MAGI2: variants seen among roughly 807,000 people sequenced by gnomAD.
MAGI2 encodes the protein membrane associated guanylate kinase, WW and PDZ domain containing 2, also known as membrane-associated guanylate kinase, WW and PDZ domain-containing protein 2.
A neutral mutation model predicts 133.3 loss-of-function variants in MAGI2; 35 were observed. The observed-to-expected ratio is 0.26, with a 90% CI of 0.20 to 0.35. The LOEUF (loss-of-function observed/expected upper bound fraction) is 0.35. MAGI2 is among the 10% of genes least tolerant of loss of function. The pLI is 1.00. For missense variants in MAGI2, 1,636 were observed against 1,863.4 expected, an observed-to-expected ratio of 0.88 and a Z score of 2.25; for synonymous variants, 729 against 710.6, an observed-to-expected ratio of 1.03 and a Z score of -0.41.
At chr7:78,283,233 T>A (rs1795808610) in intron 9 of MAGI2, among the ~76,000 whole-genome samples, 1 of 152,158 alleles carries the variant, frequency 6.6e-6, no homozygotes, top group African/African-American at 2.4e-5. Flanking sequence ...AAATTACGTA[T>A]CTCAAGAGTC....
At chr7:78,613,017 G>A (rs184627528) in intron 3 of MAGI2, among the ~76,000 whole-genome samples, 15 of 152,216 alleles carry the variant, frequency 9.9e-5, no homozygotes, top group African/African-American at 3.1e-4. Flanking sequence ...ATTAAATGAT[G>A]AAGAGAAATG....
At chr7:79,004,524 C>T (rs533595058) in intron 2 of MAGI2, among the ~76,000 whole-genome samples, 3 of 152,026 alleles carry the variant, frequency 2.0e-5, no homozygotes, top group Non-Finnish European at 4.4e-5. Flanking sequence ...GATAGAAGTT[C>T]TATTATTTGG....
intron 2 of MAGI2, among the ~76,000 whole-genome samples, chr7:78,742,323 T>C (rs1822515115): frequency 6.6e-6 from 1 of 152,110 alleles, no homozygotes; most frequent in Non-Finnish European, 1.5e-5. Context: ...AGAATTCCTC[T>C]ACCATCAGTT....
At chr7:79,429,062 T>A (rs1357415991) in intron 1 of MAGI2, among the ~76,000 whole-genome samples, 1 of 152,238 alleles carries the variant, frequency 6.6e-6, no homozygotes, top group African/African-American at 2.4e-5. Flanking sequence ...AGTATATATA[T>A]ATCCCTGAAA....
chr7:79,439,781 T>C (rs1848380938), intron 1 of MAGI2, among the ~76,000 whole-genome samples: 2 of 152,028 alleles, frequency 1.3e-5, no homozygotes, highest in Non-Finnish European at 1.5e-5. Context: ...AAAGTTCAAG[T>C]CTCTTCCATC....
intron 1 of MAGI2, among the ~76,000 whole-genome samples, chr7:79,117,361 T>C (rs933685483): frequency 6.6e-6 from 1 of 152,160 alleles, no homozygotes; most frequent in African/African-American, 2.4e-5. Flanking sequence ...AATTCACTTT[T>C]AAATAAATTA....
intron 1 of MAGI2, among the ~76,000 whole-genome samples, chr7:79,356,117 T>C (rs1277532103): frequency 6.6e-6 from 1 of 152,154 alleles, no homozygotes; most frequent in Non-Finnish European, 1.5e-5. Flanking sequence ...GACAATAGTA[T>C]TCATAGGAAG....
chr7:79,298,270 A>G (rs1237208719), intron 1 of MAGI2, among the ~76,000 whole-genome samples: 1 of 152,132 alleles, frequency 6.6e-6, no homozygotes, highest in Admixed American at 6.5e-5. Context: ...GGTCTTTGAG[A>G]GGTTTTAAGA....
intron 1 of MAGI2, among the ~76,000 whole-genome samples, chr7:79,450,242 A>C (rs1849148415): frequency 6.6e-6 from 1 of 152,112 alleles, no homozygotes; most frequent in African/African-American, 2.4e-5. Context: ...ATCTCTTGAA[A>C]CATAACTACT....
At chr7:78,250,998 A>G (rs1792328164) in intron 10 of MAGI2, among the ~76,000 whole-genome samples, 1 of 152,150 alleles carries the variant, frequency 6.6e-6, no homozygotes, top group African/African-American at 2.4e-5. Context: ...AAATATGAGC[A>G]AACAAAATTC....
At chr7:78,805,915 C>A (rs78133854) in intron 2 of MAGI2, among the ~76,000 whole-genome samples, 1 of 152,270 alleles carries the variant, frequency 6.6e-6, no homozygotes, top group African/African-American at 2.4e-5. Context: ...CAAACATCTT[C>A]CCTACAACCT....
intron 2 of MAGI2, among the ~76,000 whole-genome samples, chr7:78,637,360 A>C (rs1809779520): frequency 6.6e-6 from 1 of 152,220 alleles, no homozygotes; most frequent in Non-Finnish European, 1.5e-5. Flanking sequence ...TCTATGCAAC[A>C]GTATGGCTGA....
At chr7:78,820,191 G>A (rs985053420) in intron 2 of MAGI2, among the ~76,000 whole-genome samples, 9 of 151,938 alleles carry the variant, frequency 5.9e-5, no homozygotes, top group African/African-American at 1.9e-4. Flanking sequence ...AAGGGGAAAT[G>A]ATGCATTTAT....
chr7:78,042,891 C>T (rs1250887890), intron 21 of MAGI2, among the ~76,000 whole-genome samples: 3 of 152,194 alleles, frequency 2.0e-5, no homozygotes, highest in East Asian at 1.9e-4. Flanking sequence ...CCAGACCCCA[C>T]GACTCAGGGC....
intron 1 of MAGI2, among the ~76,000 whole-genome samples, chr7:79,183,641 CA>C (rs1397964440): frequency 6.6e-6 from 1 of 151,736 alleles, no homozygotes; most frequent in Non-Finnish European, 1.5e-5. Context: ...TTTAATTATG[CA>C]AAAGTATTGA....
chr7:78,741,077 C>T (rs1208652388), intron 2 of MAGI2, among the ~76,000 whole-genome samples: 2 of 151,776 alleles, frequency 1.3e-5, no homozygotes, highest in African/African-American at 4.8e-5. Flanking sequence ...TTTTTCCATC[C>T]GGGAGTTTTT....
At chr7:78,347,153 T>C (rs1290135234) in intron 7 of MAGI2, 1 of 152,244 alleles carries the variant, frequency 6.6e-6, no homozygotes, top group Non-Finnish European at 1.5e-5. Context: ...CTTTTGGATA[T>C]ACAATTTCAC....
At chr7:78,954,738 G>A (rs1256247708) in intron 2 of MAGI2, among the ~76,000 whole-genome samples, 2 of 152,226 alleles carry the variant, frequency 1.3e-5, no homozygotes, top group African/African-American at 4.8e-5. Flanking sequence ...CTATTGAGCT[G>A]TTTTACTGCG....
intron 6 of MAGI2, among the ~76,000 whole-genome samples, chr7:78,482,209 A>C (rs887237000): frequency 3.9e-5 from 6 of 151,948 alleles, no homozygotes; most frequent in Non-Finnish European, 7.4e-5. Context: ...ATCTCTACAC[A>C]CCTGTCAGAA....
Sources: allele counts gnomAD v4.1 joint callset (sites outside exome capture counted in the v4.1 genomes callset), GRCh38; gene constraint gnomAD v4.1.1; transcripts MANE v1.5; gene names NCBI Gene and HGNC (gene_info 2026-07-23, HGNC 2026-07-21).